Variants in GARNL3 observed in about 807,000 individuals in gnomAD.
The protein encoded by GARNL3 is GTPase activating Rap/RanGAP domain like 3.
A neutral mutation model predicts 125.0 loss-of-function variants in GARNL3; 63 were observed. The observed-to-expected ratio is 0.50, with a 90% CI of 0.41 to 0.62. GARNL3 has a LOEUF of 0.62. GARNL3 is among the 20% of genes least tolerant of loss of function. GARNL3 has a pLI of 0.00. For missense variants in GARNL3, 994 were observed against 1,244.0 expected (o/e 0.80, Z 3.02); for synonymous variants, 439 against 457.5 (o/e 0.96, Z 0.52).
At chr9:127,243,402 GTTC>G (rs1180065315) in intron 2 of GARNL3, 14 of 503,162 alleles carry the variant, frequency 2.8e-5, no homozygotes, top group Non-Finnish European at 4.2e-5. Flanking sequence ...CTGCATTTCT[GTTC>G]TTATTTGTGT....
rs565926752 is a variant in GARNL3, at chr9:127,278,817, G to A, written c.145-12351G>A. On this transcript the variant is annotated intron_variant, in intron 1 of 27. Transcript: ENST00000373387. Reference sequence around the variant, plus strand: ...TCCTTCCTTGCCTCTTCTAGTTTCTGGGGTTGCGGCGGCAATCCTTAACCC... The same window carrying A: ...TCCTTCCTTGCCTCTTCTAGTTTCTAGGGTTGCGGCGGCAATCCTTAACCC... 2.6e-5 allele frequency among the ~76,000 whole-genome samples: 4 copies of A among 152,244 alleles called. No homozygotes were observed. The South Asian group carries it at 8.3e-4, about 32-fold the overall frequency.
At chr9:127,343,196 GCCGA>G (rs1829962545) in intron 14 of GARNL3, among the ~76,000 whole-genome samples, 1 of 151,968 alleles carries the variant, frequency 6.6e-6, no homozygotes, top group Admixed American at 6.6e-5. Context: ...ACTGCGCCCG[GCCGA>G]CCAGCACCAT....
chr9:127,320,737 G>C lies in GARNL3; in HGVS notation c.526G>C (p.Glu176Gln). The change falls in exon 6 of 28, where the codon GAG becomes CAG. Residue 176 changes from glutamate (E) to glutamine (Q), a missense_variant. Transcript: ENST00000373387. ...ILSAMNLDKFEKGPREIFHPE... is the reference protein window; with the variant it reads ...ILSAMNLDKFQKGPREIFHPE... Reference sequence around the variant, plus strand: ...CAGTGCCATGAATCTGGACAAATTTGAGAAAGGCCCCAGGGAAATTTTTCA... The same window carrying C: ...CAGTGCCATGAATCTGGACAAATTTCAGAAAGGCCCCAGGGAAATTTTTCA... 1 of 1,612,536 alleles carries C rather than the reference G, an allele frequency of 6.2e-7. No homozygotes were observed. The highest frequency in any genetic ancestry group is 8.5e-7 in the Non-Finnish European group (1 of 1,178,704).
At chr9:127,225,303 C>G (rs2062886275) in intron 1 of GARNL3, 2 of 981,638 alleles carry the variant, frequency 2.0e-6, no homozygotes, top group Admixed American at 1.2e-4. Flanking sequence ...GCGGCCCCCG[C>G]CCGGGGCGAT....
rs79426329 is a variant in GARNL3, at chr9:127,323,912, C to T, written c.568-1157C>T. Among the ~76,000 whole-genome samples, 777 of 152,144 alleles carry T rather than the reference C, an allele frequency of 5.1e-3. 5 individuals are homozygous for T. The highest frequency in any genetic ancestry group is 0.018 in the African/African-American group (729 of 41,510). ...ACAGTGACATGCAAACATAATGTCC[C>T]AATGTAAAAAATGTGTAACATAATT... On this transcript the variant is annotated intron_variant, in intron 6 of 27. Coordinates refer to ENST00000373387, the MANE Select transcript of GARNL3 (RefSeq NM_032293.5).
In GARNL3 at chr9:127,241,300, GA is replaced by G. The variant is rs372844460; in HGVS notation, c.-28-1769del. Among the ~76,000 whole-genome samples, 1,353 of 146,728 alleles carry G rather than the reference GA, an allele frequency of 9.2e-3. 28 individuals carry two copies. Among genetic ancestry groups the G allele is most frequent in the African/African-American group, 0.031 (1,259 of 40,152 alleles). On this transcript the variant is annotated intron_variant, in intron 1 of 10. Transcript: ENST00000439286. ...TAAAATAAATCTGGGAGGTTCAAAAGAAAAAAAAAAGAAAATGTCTCTCATC... is the reference window on the plus strand; with the variant it reads ...TAAAATAAATCTGGGAGGTTCAAAAGAAAAAAAAAGAAAATGTCTCTCATC...
Position 127,345,464 on chromosome 9 carries a change from T to A in GARNL3, c.1418T>A (p.Ile473Asn), listed in dbSNP as rs1830086425. ...DAPSSLAASG[I>N]CKKEPWEPQC... The stretch of plus-strand genomic sequence containing the variant: ...CCATCAAGCTTGGCAGCTTCAGGGA[T>A]CTGTAAAAAAGAGGTGAGTTCATGA... The change falls in exon 16 of 28, where the codon ATC (isoleucine) becomes AAC (asparagine). Residue 473 changes from isoleucine to asparagine, a missense_variant. By Grantham distance (149) the Ile-to-Asn change is moderately radical. This residue lies in a region of GARNL3 where 728 missense variants were observed against 865.7 expected (regional missense o/e 0.84). Transcript: ENST00000373387. The A allele has an allele frequency of 6.2e-7, 1 of 1,603,678 alleles. No homozygotes were observed. The highest frequency in any genetic ancestry group is 2.2e-5 in the East Asian group (1 of 44,622).
intron 7 of GARNL3, among the ~76,000 whole-genome samples, chr9:127,327,150 TG>T (rs1320325524): frequency 1.3e-5 from 2 of 152,246 alleles, no homozygotes; most frequent in African/African-American, 4.8e-5. Flanking sequence ...ATTCATTCAT[TG>T]ATTCAACACA....
chr9:127,264,731 A>G, upstream of GARNL3: 1 of 1,254,630 alleles, frequency 8.0e-7, no homozygotes, highest in Non-Finnish European at 1.0e-6. Context: ...ACTTCCAGGG[A>G]TGACTCTGGC....
At chr9:127,244,939 G>A (rs1460155555) in intron 2 of GARNL3, among the ~76,000 whole-genome samples, 2 of 152,230 alleles carry the variant, frequency 1.3e-5, no homozygotes, top group African/African-American at 4.8e-5. Flanking sequence ...AATTATCTGA[G>A]CAAGATGGAC....
intron 2 of GARNL3, among the ~76,000 whole-genome samples, chr9:127,297,186 T>A (rs553206608): frequency 6.6e-6 from 1 of 152,326 alleles, no homozygotes; most frequent in South Asian, 2.1e-4. Context: ...TCACCTAGGC[T>A]GGAGTGCAGT....
At chr9:127,247,344 T>G (rs2063322022) in intron 2 of GARNL3, among the ~76,000 whole-genome samples, 2 of 152,176 alleles carry the variant, frequency 1.3e-5, no homozygotes, top group South Asian at 4.1e-4. Flanking sequence ...AGAGAATATA[T>G]GGGTTCATGG....
chr9:127,372,047 G>T (rs1037305492), intron 22 of GARNL3, among the ~76,000 whole-genome samples: 3 of 152,122 alleles, frequency 2.0e-5, no homozygotes, highest in African/African-American at 7.2e-5. Flanking sequence ...ATTCTCCTGC[G>T]TCAGCCTCCC....
rs972483251 is a variant in GARNL3, at chr9:127,387,555, C to T, written c.2527+224C>T. Among the ~76,000 whole-genome samples, 37 of 151,540 alleles carry T rather than the reference C, an allele frequency of 2.4e-4. 1 individual carries two copies. The highest frequency in any genetic ancestry group is 1.5e-5 in the Non-Finnish European group (1 of 67,880). ...GCCAGGAGTTCAAGACCAGCCTGAC[C>T]AACATGGTGAAACCCCATCTCTACT... is the stretch of plus-strand genomic sequence containing the variant. On this transcript the variant is annotated intron_variant, in intron 25 of 27. Transcript: ENST00000373387.
rs1832927289 is a variant in GARNL3, at chr9:127,392,608, A to G, written c.2871-475A>G. ...TTTGCAGGCCAATGAGTATTTGTGG[A>G]ATGCATTAACTCTCTGAGAAGTGGA... On this transcript the variant is annotated intron_variant, in intron 27 of 27. Coordinates refer to ENST00000373387, the MANE Select transcript of GARNL3 (RefSeq NM_032293.5). This position sits in a 1 kb window ranked among gnomAD's most constrained non-coding sequence, Gnocchi z 5.2. 2.0e-5 allele frequency among the ~76,000 whole-genome samples: 3 copies of G among 152,238 alleles called. No homozygotes were observed. The South Asian group carries it at 6.2e-4, about 31-fold the overall frequency.
chr9:127,241,221 A>G (rs1036668012), intron 1 of GARNL3, among the ~76,000 whole-genome samples: 5 of 152,308 alleles, frequency 3.3e-5, no homozygotes, highest in Middle Eastern at 3.4e-3. Context: ...CCTCATCGGT[A>G]TCTTGAGAGC....
chr9:127,229,341 G>A (rs1229174009), intron 1 of GARNL3, among the ~76,000 whole-genome samples: 1 of 152,180 alleles, frequency 6.6e-6, no homozygotes, highest in Non-Finnish European at 1.5e-5. Flanking sequence ...GATTCAGAAA[G>A]TTCAGGGTGG....
chr9:127,273,579 G>A (rs1258785873), intron 1 of GARNL3, among the ~76,000 whole-genome samples: 1 of 152,108 alleles, frequency 6.6e-6, no homozygotes, highest in East Asian at 1.9e-4. Flanking sequence ...TGCCTTTGTT[G>A]GCCCCTCTCA....
chr9:127,354,616 T>A (rs1460944491), intron 19 of GARNL3, among the ~76,000 whole-genome samples: 2 of 152,212 alleles, frequency 1.3e-5, no homozygotes, highest in Non-Finnish European at 2.9e-5. Flanking sequence ...ATTCTAGGCC[T>A]TGCATAACAG....
Sources: allele counts gnomAD v4.1 joint callset (sites outside exome capture counted in the v4.1 genomes callset), GRCh38; gene constraint gnomAD v4.1.1; regional missense constraint gnomAD v4.1.1; non-coding constraint Gnocchi (gnomAD v3.1); transcripts MANE v1.5; gene names NCBI Gene and HGNC (gene_info 2026-07-23, HGNC 2026-07-21).